TGFBR3: variants seen among roughly 807,000 people sequenced by gnomAD.
The protein encoded by TGFBR3 is transforming growth factor beta receptor type 3.
A neutral mutation model predicts 87.9 loss-of-function variants in TGFBR3; 46 were observed. The observed-to-expected ratio is 0.52, with a 90% confidence interval of 0.41 to 0.67. TGFBR3 has a LOEUF of 0.67. Among genes scored for constraint, TGFBR3 ranks in the 30% least tolerant of loss-of-function variants. The pLI is 0.00. For synonymous variants in TGFBR3, 381 were observed against 391.6 expected (o/e 0.97, Z 0.32); for missense variants, 866 against 1,041.9 (o/e 0.83, Z 2.32).
At chr1:91,685,739 C>T (rs1671069839) in intron 16 of TGFBR3, among the ~76,000 whole-genome samples, 2 of 152,158 alleles carry the variant, frequency 1.3e-5, no homozygotes, top group South Asian at 2.1e-4. Context: ...ATGGCAATAA[C>T]TTTCTGCCAA....
chr1:91,735,055 C>T lies in TGFBR3; in HGVS notation c.385-96G>A, dbSNP rs113905628. 2.0e-3 allele frequency: 2,794 copies of T among 1,411,232 alleles called. 50 individuals are homozygous for T. In the African/African-American group the frequency reaches 0.033, roughly 17 times the overall value. The allele number at this position is 1,411,232 out of a possible 1,614,324, so 87.4% of individuals were successfully genotyped here. ...TTCTCAAATCGAAGTGCTTGTAAAT[C>T]GAACCTCTTCCCTTTGTTATACAAG... On this transcript the variant is annotated intron_variant, in intron 4 of 16. Coordinates refer to ENST00000212355, the MANE Select transcript of TGFBR3 (RefSeq NM_003243.5).
At chr1:91,847,823 C>A (rs1677564418) in intron 2 of TGFBR3, among the ~76,000 whole-genome samples, 1 of 152,084 alleles carries the variant, frequency 6.6e-6, no homozygotes, top group African/African-American at 2.4e-5. Flanking sequence ...GTTCCGGGAC[C>A]AATGACCCCG....
intron 2 of TGFBR3, among the ~76,000 whole-genome samples, chr1:91,857,534 T>C (rs1340002806): frequency 6.6e-6 from 1 of 152,152 alleles, no homozygotes; most frequent in Non-Finnish European, 1.5e-5. Context: ...GGGCTTCCCC[T>C]CGTGACCCCT....
chr1:91,860,654 C>T (rs1678144494), intron 2 of TGFBR3, among the ~76,000 whole-genome samples: 1 of 152,056 alleles, frequency 6.6e-6, no homozygotes. Context: ...CAGTGTATTT[C>T]TCTACTTTTT....
At chr1:91,903,718 C>A (rs1343614697) in intron 1 of TGFBR3, among the ~76,000 whole-genome samples, 2 of 152,056 alleles carry the variant, frequency 1.3e-5, no homozygotes, top group Non-Finnish European at 2.9e-5. Flanking sequence ...AATAAGATCT[C>A]CATGTCAATT....
At chr1:91,821,475 T>C (rs552303699) in intron 2 of TGFBR3, among the ~76,000 whole-genome samples, 3 of 152,338 alleles carry the variant, frequency 2.0e-5, no homozygotes, top group Admixed American at 2.0e-4. Context: ...CTCTACTTTA[T>C]CATAAAAATA....
chr1:91,727,248 A>G (rs1213504647), intron 7 of TGFBR3, among the ~76,000 whole-genome samples: 1 of 152,258 alleles, frequency 6.6e-6, no homozygotes, highest in Non-Finnish European at 1.5e-5. Context: ...CTAAGTACCT[A>G]ACTCCAAAAT....
intron 3 of TGFBR3, among the ~76,000 whole-genome samples, chr1:91,778,013 T>A (rs993647120): frequency 3.3e-5 from 5 of 152,208 alleles, no homozygotes; most frequent in African/African-American, 1.2e-4. Context: ...TACTCTGTCC[T>A]GACGAAACAG....
intron 2 of TGFBR3, among the ~76,000 whole-genome samples, chr1:91,833,892 TAAAG>T (rs966570534): frequency 6.6e-6 from 1 of 152,064 alleles, no homozygotes; most frequent in Non-Finnish European, 1.5e-5. Context: ...ACTAACATAT[TAAAG>T]AAAGAAAGAA....
intron 15 of TGFBR3, among the ~76,000 whole-genome samples, chr1:91,696,350 G>A (rs147741973): frequency 2.0e-5 from 3 of 152,152 alleles, no homozygotes; most frequent in South Asian, 2.1e-4. Context: ...ACATTTCACC[G>A]ATCTCCTCAT....
intron 12 of TGFBR3, among the ~76,000 whole-genome samples, chr1:91,714,500 G>A (rs1046667656): frequency 6.6e-6 from 1 of 151,868 alleles, no homozygotes; most frequent in Non-Finnish European, 1.5e-5. Flanking sequence ...GATAAACTAT[G>A]AGAAATATAG....
chr1:91,892,544 A>G (rs1418656116), intron 2 of TGFBR3, among the ~76,000 whole-genome samples: 3 of 152,240 alleles, frequency 2.0e-5, no homozygotes, highest in African/African-American at 7.2e-5. Context: ...GTGTGCCAGA[A>G]ACATAACTTT....
chr1:91,845,477 C>T (rs910790029), intron 2 of TGFBR3, among the ~76,000 whole-genome samples: 37 of 152,160 alleles, frequency 2.4e-4, no homozygotes, highest in Admixed American at 2.4e-3. Flanking sequence ...CAGCTGTCTC[C>T]GTTGCCTTCA....
chr1:91,735,600 T>G (rs1365890781), intron 4 of TGFBR3, among the ~76,000 whole-genome samples: 1 of 152,186 alleles, frequency 6.6e-6, no homozygotes, highest in Non-Finnish European at 1.5e-5. Flanking sequence ...CCATAGATAA[T>G]GAAGTCAAGA....
intron 7 of TGFBR3, among the ~76,000 whole-genome samples, chr1:91,723,261 T>G (rs745746781): frequency 1.7e-4 from 26 of 152,090 alleles, no homozygotes; most frequent in Non-Finnish European, 3.1e-4. Flanking sequence ...GCGGAAGGAC[T>G]GCTTGAGCCC....
chr1:91,716,615 T>C lies in TGFBR3; in HGVS notation c.1660A>G (p.Met554Val), dbSNP rs764420048. Residue 554 changes from methionine to valine, a missense_variant, in exon 11 of 17, where the codon ATG (methionine) becomes GTG (valine). Physicochemically the swap from Met to Val is conservative, Grantham distance 21. Transcript: ENST00000212355. ...ESGDNGFPGD[M>V]DEGDASLFTR... ...AACAGGGAAGCATCTCCTTCATCCA[T>C]ATCTCCCGGAAATCCATTATCACCT... 3.7e-6 allele frequency: 6 copies of C among 1,614,162 alleles called. No individual in the cohort carries two copies. The South Asian group carries it at 5.5e-5, about 15-fold the overall frequency.
At chr1:91,854,656 C>T (rs780937442) in intron 2 of TGFBR3, among the ~76,000 whole-genome samples, 1 of 152,138 alleles carries the variant, frequency 6.6e-6, no homozygotes, top group Non-Finnish European at 1.5e-5. Context: ...TGTTAAAAAG[C>T]TTGATTTACT....
Position 91,798,197 on chromosome 1 carries a change from C to T in TGFBR3, c.62-726G>A, listed in dbSNP as rs11466565. 2.9e-3 allele frequency among the ~76,000 whole-genome samples: 439 copies of T among 152,296 alleles called. 3 individuals carry two copies. The highest frequency in any genetic ancestry group is 9.9e-3 in the African/African-American group (411 of 41,556). On this transcript the variant is annotated intron_variant, in intron 2 of 16. Transcript: ENST00000212355. ...CTAGACAATTACAAACCTTCCTGAA[C>T]GGAGTCTGAGGACTCAAGCTCTGCA...
At chr1:91,739,362 T>C (rs1342850235) in intron 4 of TGFBR3, among the ~76,000 whole-genome samples, 1 of 152,212 alleles carries the variant, frequency 6.6e-6, no homozygotes, top group East Asian at 1.9e-4. Context: ...TTTTCTATCC[T>C]ATCCTTATAC....
Sources: allele counts gnomAD v4.1 joint callset (sites outside exome capture counted in the v4.1 genomes callset), GRCh38; gene constraint gnomAD v4.1.1; transcripts MANE v1.5; gene names NCBI Gene and HGNC (gene_info 2026-07-23, HGNC 2026-07-21).